The following DNAJC17 variants were observed in gnomAD, a reference collection of about 807,000 sequenced individuals.
The protein encoded by DNAJC17 is dnaJ homolog subfamily C member 17.
A neutral mutation model predicts 48.1 loss-of-function variants in DNAJC17; 35 were observed. The observed-to-expected ratio is 0.73, with a 90% CI of 0.56 to 0.96. DNAJC17 has a LOEUF of 0.96. Ranked by LOEUF, DNAJC17 falls within the 50% of genes least tolerant of loss-of-function variation. The pLI, the probability that DNAJC17 is intolerant of heterozygous loss-of-function variation, is 0.00. For missense variants in DNAJC17, 355 were observed against 377.1 expected, an observed-to-expected ratio of 0.94 and a Z score of 0.48; for synonymous variants, 117 against 142.7, an observed-to-expected ratio of 0.82 and a Z score of 1.28.
intron 10 of DNAJC17, chr15:40,772,402 G>C (rs1392361469): frequency 6.0e-6 from 1 of 167,178 alleles, no homozygotes; most frequent in Non-Finnish European, 1.5e-5. Flanking sequence ...CTTGTGTATA[G>C]GTACCGAGCT....
intron 1 of DNAJC17, among the ~76,000 whole-genome samples, chr15:40,800,240 G>A (rs1274595433): frequency 1.3e-5 from 2 of 152,080 alleles, no homozygotes; most frequent in African/African-American, 2.4e-5. Flanking sequence ...GCTAATTTTT[G>A]TATTTTTAGT....
intron 1 of DNAJC17, among the ~76,000 whole-genome samples, chr15:40,785,509 G>A (rs1889616373): frequency 6.6e-6 from 1 of 152,188 alleles, no homozygotes; most frequent in African/African-American, 2.4e-5. Context: ...TACACACAGG[G>A]CTGCTGGAAG....
At chr15:40,775,894 C>T (rs1163771462) in intron 6 of DNAJC17, among the ~76,000 whole-genome samples, 37 of 152,284 alleles carry the variant, frequency 2.4e-4, no homozygotes, top group Admixed American at 2.0e-3. Flanking sequence ...TGAGGTTCTA[C>T]GGGCACAAAG....
intron 1 of DNAJC17, among the ~76,000 whole-genome samples, chr15:40,787,982 G>A (rs1478005586): frequency 1.3e-5 from 2 of 152,200 alleles, no homozygotes; most frequent in African/African-American, 4.8e-5. Flanking sequence ...TAAAGAGGCC[G>A]AGGCTGATAG....
chr15:40,792,485 A>G (rs1889832089), intron 1 of DNAJC17: 1 of 985,276 alleles, frequency 1.0e-6, no homozygotes, highest in Non-Finnish European at 1.2e-6. Flanking sequence ...CACCCTTCAA[A>G]GGGCTTCAAA....
intron 9 of DNAJC17, among the ~76,000 whole-genome samples, chr15:40,774,087 GGGGTGCA>G (rs1000381512): frequency 1.3e-5 from 2 of 152,208 alleles, no homozygotes; most frequent in African/African-American, 4.8e-5. Context: ...ACAGCCCCAA[GGGGTGCA>G]GGTGGAGGGT....
chr15:40,801,843 G>A (rs901077423), intron 1 of DNAJC17, among the ~76,000 whole-genome samples: 26 of 152,256 alleles, frequency 1.7e-4, no homozygotes, highest in African/African-American at 5.8e-4. Flanking sequence ...CATTTTCTGT[G>A]AGGAGAATTG....
chr15:40,797,411 TTC>T (rs1435569039), intron 1 of DNAJC17, among the ~76,000 whole-genome samples: 1 of 151,868 alleles, frequency 6.6e-6, no homozygotes, highest in African/African-American at 2.4e-5. Context: ...TCAAACAGAT[TTC>T]TTTCTTTTTT....
At chr15:40,807,242 G>A (rs1490861764) in intron 1 of DNAJC17, 127 bp downstream of exon 1, 5 of 1,570,772 alleles carry the variant, frequency 3.2e-6, no homozygotes, top group Admixed American at 3.8e-5. Context: ...AGGGCATAGC[G>A]CCGACCCTCG....
chr15:40,805,423 T>C (rs563430195), intron 1 of DNAJC17, among the ~76,000 whole-genome samples: 1 of 149,712 alleles, frequency 6.7e-6, no homozygotes, highest in African/African-American at 2.5e-5. Context: ...GGTACATGCC[T>C]GTAGTCCCAG....
Position 40,767,887 on chromosome 15 carries a change from T to A in DNAJC17, c.*53A>T, listed in dbSNP as rs950171473. The A allele has an allele frequency of 3.7e-5, 59 of 1,580,678 alleles. No individual in the cohort carries two copies. The highest frequency in any genetic ancestry group is 5.8e-5 in the Admixed American group (3 of 52,042). On this transcript the variant is annotated 3_prime_UTR_variant, in exon 11 of 11. Coordinates refer to ENST00000220496, the MANE Select transcript of DNAJC17 (RefSeq NM_018163.3). ...GGTAAAATCTTAAAAAAAAAAAAAA[T>A]TTATTGGTGACGTTGAAGAAAAGGG...
At chr15:40,801,179 G>GGGCT (rs1468619652) in intron 1 of DNAJC17, among the ~76,000 whole-genome samples, 1 of 152,170 alleles carries the variant, frequency 6.6e-6, no homozygotes, top group Non-Finnish European at 1.5e-5. Flanking sequence ...ACCAGGTAAG[G>GGGCT]GGCTGCTACA....
In DNAJC17 at chr15:40,798,608, G is replaced by A. The variant is rs558057526; in HGVS notation, c.78+8761C>T. 2.6e-5 allele frequency among the ~76,000 whole-genome samples: 4 copies of A among 152,302 alleles called. No homozygotes were observed. The East Asian group carries it at 5.8e-4, about 22-fold the overall frequency. ...AAAGGGGAGAGTGGTGGCAGGGAAC[G>A]TGCAGGACAGGCAGTAAGGGCCGCG... On this transcript the variant is annotated intron_variant, in intron 1 of 10. Transcript: ENST00000220496.
intron 1 of DNAJC17, among the ~76,000 whole-genome samples, chr15:40,795,388 A>C (rs76098073): frequency 2.0e-5 from 3 of 152,118 alleles, no homozygotes; most frequent in Non-Finnish European, 4.4e-5. Context: ...AGCAAGAGAC[A>C]GAAAAGATGG....
intron 1 of DNAJC17, 178 bp downstream of exon 1, chr15:40,807,191 C>A: frequency 6.8e-7 from 1 of 1,460,302 alleles, no homozygotes. Flanking sequence ...CCTCTTGAGG[C>A]CCTCGGACCG....
At chr15:40,792,541 A>G (rs1320930620) in intron 1 of DNAJC17, 24 of 985,328 alleles carry the variant, frequency 2.4e-5, no homozygotes, top group Non-Finnish European at 2.9e-5. Flanking sequence ...CAGGCTGGAC[A>G]TGCTGACTCA....
chr15:40,783,341 G>T (rs1193068367), intron 1 of DNAJC17, among the ~76,000 whole-genome samples: 1 of 152,104 alleles, frequency 6.6e-6, no homozygotes, highest in African/African-American at 2.4e-5. Context: ...GAGTCTGTTG[G>T]GTGTTTGTTC....
chr15:40,805,267 T>C (rs929046100), intron 1 of DNAJC17, among the ~76,000 whole-genome samples: 10 of 151,008 alleles, frequency 6.6e-5, no homozygotes, highest in South Asian at 2.1e-4. Context: ...TCCCAGCTAC[T>C]TGGGAGGCTG....
intron 1 of DNAJC17, among the ~76,000 whole-genome samples, chr15:40,802,295 C>A (rs1394651084): frequency 3.3e-5 from 5 of 151,952 alleles, no homozygotes; most frequent in Non-Finnish European, 4.4e-5. Flanking sequence ...CTCAGCCTCC[C>A]AGTAGCTGGG....
Sources: gnomAD v4.1 joint callset for allele counts (sites outside exome capture counted in the v4.1 genomes callset) on GRCh38, gnomAD v4.1.1 for gene constraint, MANE v1.5 for transcripts, NCBI Gene and HGNC (gene_info 2026-07-23, HGNC 2026-07-21) for gene names.